The following GRIN2B variants were observed in gnomAD, a reference collection of about 807,000 sequenced individuals.
The protein encoded by GRIN2B is glutamate ionotropic receptor NMDA type subunit 2B.
A neutral mutation model predicts 114.5 loss-of-function variants in GRIN2B; 5 were observed. That is an observed-to-expected ratio of 0.04 (90% CI 0.02 to 0.09). The LOEUF is 0.09. Ranked by LOEUF, GRIN2B falls within the 10% of genes least tolerant of loss-of-function variation. The pLI, the probability that GRIN2B is intolerant of heterozygous loss-of-function variation, is 1.00. For synonymous variants in GRIN2B, 787 were observed against 745.1 expected (o/e 1.06, Z -0.92); for missense variants, 1,108 against 1,943.5 (o/e 0.57, Z 8.08).
chr12:13,902,562 G>C (rs1190269472), intron 2 of GRIN2B, among the ~76,000 whole-genome samples: 13 of 152,104 alleles, frequency 8.5e-5, no homozygotes, highest in Non-Finnish European at 1.8e-4. Context: ...GATAATCCTA[G>C]CACTTTGGGA....
rs1302858635 is a variant in GRIN2B, at chr12:13,553,393, CA to C, written c.*9389del. The C allele has an allele frequency of 6.6e-6, 1 of 152,218 alleles. No homozygotes were observed. Among genetic ancestry groups the C allele is most frequent in the African/African-American group, 2.4e-5 (1 of 41,444 alleles). 9.4% of individuals were successfully genotyped at this position (152,218 alleles called of 1,614,324 possible). ...CTAACTTACTTTCATTGTAAATATA[CA>C]GATAAGAGGTAAAGTGCTCAATTAC... is the stretch of plus-strand genomic sequence containing the variant. On this transcript the variant is annotated 3_prime_UTR_variant, in exon 14 of 14. Transcript: ENST00000609686.
chr12:13,759,927 A>C (rs755789134), intron 3 of GRIN2B, among the ~76,000 whole-genome samples: 3 of 152,148 alleles, frequency 2.0e-5, no homozygotes, highest in Non-Finnish European at 2.9e-5. Context: ...ACATTCTTGC[A>C]CCAGGCCTTT....
At position 13,554,915 on chromosome 12, in the gene GRIN2B, G is replaced by C. The variant is rs1180735133; in HGVS notation, c.*7868C>G. 2 of 152,172 alleles carry C rather than the reference G, an allele frequency of 1.3e-5. No homozygotes were observed. Among genetic ancestry groups the C allele is most frequent in the Non-Finnish European group, 2.9e-5 (2 of 68,030 alleles). 9.4% of individuals were successfully genotyped at this position (152,172 alleles called of 1,614,324 possible). A position where few individuals can be genotyped will look rare whatever the true frequency, so the allele number is the denominator to read the frequency against. On this transcript the variant is annotated 3_prime_UTR_variant, in exon 14 of 14. Coordinates refer to ENST00000609686, the MANE Select transcript of GRIN2B (RefSeq NM_000834.5). The stretch of plus-strand genomic sequence containing the variant: ...AGGAAGTTGGTGATTATGTTGGTTT[G>C]CAGCAATGGTTTTGGATATTTGAGT...
At chr12:13,705,815 A>C (rs554523058) in intron 4 of GRIN2B, among the ~76,000 whole-genome samples, 68 of 152,330 alleles carry the variant, frequency 4.5e-4, no homozygotes, top group Non-Finnish European at 8.2e-4. Context: ...CCTTTGATGA[A>C]CAGTGCAAGA....
chr12:13,978,826 G>T (rs1565607684), intron 2 of GRIN2B, among the ~76,000 whole-genome samples: 1 of 152,168 alleles, frequency 6.6e-6, no homozygotes, highest in Non-Finnish European at 1.5e-5. Flanking sequence ...GTCTTGGATT[G>T]CATGAGTGAC....
At chr12:13,735,707 A>C (rs959036649) in intron 4 of GRIN2B, among the ~76,000 whole-genome samples, 3 of 152,150 alleles carry the variant, frequency 2.0e-5, no homozygotes, top group African/African-American at 7.2e-5. Context: ...ATCACGCCCT[A>C]ATCTTATTTA....
chr12:13,755,165 G>A (rs1053372074), intron 3 of GRIN2B, among the ~76,000 whole-genome samples: 11 of 152,312 alleles, frequency 7.2e-5, no homozygotes, highest in Admixed American at 7.2e-4. Flanking sequence ...GAGCTTCAAA[G>A]TACAGTTACA....
At chr12:13,714,232 G>A (rs1339899678) in intron 4 of GRIN2B, among the ~76,000 whole-genome samples, 2 of 151,712 alleles carry the variant, frequency 1.3e-5, no homozygotes, top group Admixed American at 1.3e-4. Context: ...CCACACTGAG[G>A]CAGTAAAAAT....
At position 13,625,408 on chromosome 12, in the gene GRIN2B, G is replaced by C. The variant is rs372481394; in HGVS notation, c.1126-8751C>G. On this transcript the variant is annotated intron_variant, in intron 5 of 13. Coordinates refer to ENST00000609686, the MANE Select transcript of GRIN2B (RefSeq NM_000834.5). ...CGACCGAAGTTCACAATGGGGGCCA[G>C]ATAGGCAGAATGGTGGCTGGTGGCA... Among the ~76,000 whole-genome samples the C allele has an allele frequency of 5.9e-5, 9 of 152,326 alleles. No individual in the cohort carries two copies. In the East Asian group the frequency reaches 9.6e-4, roughly 16 times the overall value.
chr12:13,816,800 A>G (rs939492319), intron 3 of GRIN2B, among the ~76,000 whole-genome samples: 1 of 152,240 alleles, frequency 6.6e-6, no homozygotes, highest in African/African-American at 2.4e-5. Flanking sequence ...TGATTTTAAA[A>G]TTCAGATGTT....
At chr12:13,945,471 T>C (rs963772538) in intron 2 of GRIN2B, among the ~76,000 whole-genome samples, 2 of 152,196 alleles carry the variant, frequency 1.3e-5, no homozygotes, top group African/African-American at 2.4e-5. Context: ...AGGAGCTACC[T>C]ACCGCTGTTG....
intron 4 of GRIN2B, among the ~76,000 whole-genome samples, chr12:13,724,876 G>A (rs1054518080): frequency 4.6e-5 from 7 of 152,136 alleles, no homozygotes; most frequent in Non-Finnish European, 1.0e-4. Context: ...TCCTGGGACT[G>A]CACAGGGCCC....
Position 13,560,169 on chromosome 12 carries a change from G to A in GRIN2B, c.*2614C>T, listed in dbSNP as rs1172636286. 3.9e-5 allele frequency: 6 copies of A among 152,124 alleles called. No homozygotes were observed. Among genetic ancestry groups the A allele is most frequent in the Admixed American group, 3.9e-4 (6 of 15,268 alleles). 9.4% of individuals were successfully genotyped at this position (152,124 alleles called of 1,614,324 possible). A position where few individuals can be genotyped will look rare whatever the true frequency, so the allele number is the denominator to read the frequency against. ...AGAAGACTGGTTTTCTGGGGGGGATGGACACAATTACTTTCCCCTGGCTTT... is the reference window on the plus strand; with the variant it reads ...AGAAGACTGGTTTTCTGGGGGGGATAGACACAATTACTTTCCCCTGGCTTT... On this transcript the variant is annotated 3_prime_UTR_variant, in exon 14 of 14. Coordinates refer to ENST00000609686, the MANE Select transcript of GRIN2B (RefSeq NM_000834.5).
In GRIN2B at chr12:13,594,814, G is replaced by A. The variant is rs559990519; in HGVS notation, c.2010+13789C>T. ...GTGTATTGGATAACGTGTGATTTCA[G>A]GGCATTTCCAACTGAGAGTTGAAGT... On this transcript the variant is annotated intron_variant, in intron 10 of 13. Transcript: ENST00000609686. 4.6e-5 allele frequency among the ~76,000 whole-genome samples: 7 copies of A among 152,182 alleles called. No individual in the cohort carries two copies. The East Asian group carries it at 1.4e-3, about 29-fold the overall frequency.
At chr12:13,786,801 G>A (rs755700764) in intron 3 of GRIN2B, among the ~76,000 whole-genome samples, 6 of 152,144 alleles carry the variant, frequency 3.9e-5, no homozygotes, top group Non-Finnish European at 7.4e-5. Context: ...TTGTTTTGCC[G>A]CTGTGCCTGT....
intron 3 of GRIN2B, among the ~76,000 whole-genome samples, chr12:13,758,340 T>C (rs1289554955): frequency 6.6e-6 from 1 of 152,116 alleles, no homozygotes. Context: ...CCTGGGAACC[T>C]GACTCTACCC....
At chr12:13,657,625 G>T (rs770035054) in intron 5 of GRIN2B, among the ~76,000 whole-genome samples, 1 of 152,156 alleles carries the variant, frequency 6.6e-6, no homozygotes, top group Non-Finnish European at 1.5e-5. Flanking sequence ...AATACAACAC[G>T]TTCAGACCAA....
At chr12:13,623,468 C>A (rs1308654085) in intron 5 of GRIN2B, among the ~76,000 whole-genome samples, 3 of 152,228 alleles carry the variant, frequency 2.0e-5, no homozygotes, top group African/African-American at 4.8e-5. Context: ...GTTTTTATCA[C>A]TACTAAATGC....
intron 4 of GRIN2B, among the ~76,000 whole-genome samples, chr12:13,734,653 A>G (rs879843100): frequency 1.3e-5 from 2 of 152,230 alleles, no homozygotes; most frequent in Non-Finnish European, 2.9e-5. Context: ...CTACTGTGCC[A>G]TGAATCCTAG....
Sources: allele counts gnomAD v4.1 joint callset (sites outside exome capture counted in the v4.1 genomes callset), GRCh38; gene constraint gnomAD v4.1.1; transcripts MANE v1.5; gene names NCBI Gene and HGNC (gene_info 2026-07-23, HGNC 2026-07-21).